CCDC138: variants seen among roughly 807,000 people sequenced by gnomAD.
CCDC138 encodes coiled-coil domain containing 138.
In CCDC138, 66 loss-of-function variants were observed where a neutral mutation model predicts 82.3. That is an observed-to-expected ratio of 0.80 (90% CI 0.66 to 0.98). The LOEUF is 0.98. Ranked by LOEUF, CCDC138 falls within the 50% of genes least tolerant of loss-of-function variation. The pLI is 0.00. For synonymous variants in CCDC138, 297 were observed against 265.4 expected, an observed-to-expected ratio of 1.12 and a Z score of -1.16; for missense variants, 816 against 758.9, an observed-to-expected ratio of 1.08 and a Z score of -0.88.
chr2:108,859,746 T>C (rs188725541), intron 13 of CCDC138, among the ~76,000 whole-genome samples: 1 of 152,310 alleles, frequency 6.6e-6, no homozygotes, highest in East Asian at 1.9e-4. Context: ...TGCTTCCAGC[T>C]TTGTTCTTTT....
Position 108,791,740 on chromosome 2 carries a change from A to G in CCDC138, c.332A>G (p.Glu111Gly). The change falls in exon 4 of 15, where the codon GAA becomes GGA. Residue 111 changes from glutamate to glycine, a missense_variant. Glu to Gly is a moderately conservative substitution (Grantham distance 98). Coordinates refer to ENST00000295124, the MANE Select transcript of CCDC138 (RefSeq NM_144978.3). ...KKQETEEELI[E>G]NDYRVSTSKI... The stretch of plus-strand genomic sequence containing the variant: ...CAGGAAACAGAAGAAGAGTTAATTG[A>G]AAATGATTATAGAGTTAGTACCTCG... 1 of 1,606,122 alleles carries G rather than the reference A, an allele frequency of 6.2e-7. No individual in the cohort carries two copies. Among genetic ancestry groups the G allele is most frequent in the Non-Finnish European group, 8.5e-7 (1 of 1,174,820 alleles).
intron 10 of CCDC138, among the ~76,000 whole-genome samples, chr2:108,825,921 A>G (rs958566698): frequency 6.6e-6 from 1 of 152,208 alleles, no homozygotes; most frequent in African/African-American, 2.4e-5. Flanking sequence ...ATCATGGTCA[A>G]AACATACGGA....
intron 13 of CCDC138, 96 bp downstream of exon 13, chr2:108,857,066 CTTTTTTTTTTT>C (rs35540493): frequency 3.0e-4 from 13 of 44,064 alleles, no homozygotes; most frequent in African/African-American, 1.2e-3. Flanking sequence ...GATACTATTG[CTTTTTTTTTTT>C]TTTTTTTTTT....
chr2:108,840,945 G>A (rs1689367070), intron 11 of CCDC138, among the ~76,000 whole-genome samples: 1 of 151,960 alleles, frequency 6.6e-6, no homozygotes, highest in Non-Finnish European at 1.5e-5. Context: ...CCAAGTAGCT[G>A]GGATTACAGA....
chr2:108,873,065 T>C (rs1248361501), intron 13 of CCDC138, among the ~76,000 whole-genome samples: 1 of 152,184 alleles, frequency 6.6e-6, no homozygotes, highest in Non-Finnish European at 1.5e-5. Flanking sequence ...ATTTGGAGGC[T>C]CTTTGATTTG....
At chr2:108,853,636 C>T (rs1390588120) in intron 12 of CCDC138, among the ~76,000 whole-genome samples, 4 of 150,002 alleles carry the variant, frequency 2.7e-5, no homozygotes, top group Admixed American at 1.3e-4. Context: ...AAGCAGTCCT[C>T]TTGCCTCAGG....
intron 13 of CCDC138, among the ~76,000 whole-genome samples, chr2:108,869,615 T>A (rs1312294565): frequency 6.6e-6 from 1 of 151,916 alleles, no homozygotes; most frequent in Non-Finnish European, 1.5e-5. Flanking sequence ...CCATACAAGA[T>A]CTAAGGCCTT....
At position 108,812,641 on chromosome 2, in the gene CCDC138, C is replaced by G. The variant is rs1160523514; in HGVS notation, c.866C>G (p.Ala289Gly). Residue 289 changes from alanine (A) to glycine (G), a missense_variant, in exon 8 of 15, where the codon GCA (alanine) becomes GGA (glycine). By Grantham distance (60) the Ala-to-Gly change is moderately conservative. Coordinates refer to ENST00000295124, the MANE Select transcript of CCDC138 (RefSeq NM_144978.3). ...TTTTCTACCCTTTAGTTAAATGAAG[C>G]AAGTGAAGAAAACAGGAAGATAGAC... ...NDTLKKQLNEASEENRKIDIQ... is the reference protein window; with the variant it reads ...NDTLKKQLNEGSEENRKIDIQ... 1 of 1,611,260 alleles carries G rather than the reference C, an allele frequency of 6.2e-7. No individual in the cohort carries two copies. Among genetic ancestry groups the G allele is most frequent in the African/African-American group, 1.3e-5 (1 of 74,848 alleles).
At chr2:108,848,194 A>C (rs1188067761) in intron 12 of CCDC138, among the ~76,000 whole-genome samples, 1 of 152,248 alleles carries the variant, frequency 6.6e-6, no homozygotes. Context: ...ATATGTCAAC[A>C]TACATTATAT....
chr2:108,842,825 A>G (rs1689740955), intron 11 of CCDC138, among the ~76,000 whole-genome samples: 1 of 152,236 alleles, frequency 6.6e-6, no homozygotes, highest in Non-Finnish European at 1.5e-5. Flanking sequence ...GCAACATCAA[A>G]TTATAAGCAT....
At chr2:108,796,822 G>A (rs1422489607) in intron 5 of CCDC138, among the ~76,000 whole-genome samples, 2 of 152,092 alleles carry the variant, frequency 1.3e-5, no homozygotes, top group African/African-American at 4.8e-5. Context: ...AGGCTGGGAG[G>A]GGAAGGGTAG....
intron 12 of CCDC138, among the ~76,000 whole-genome samples, chr2:108,851,367 T>C (rs1355027519): frequency 6.6e-6 from 1 of 152,150 alleles, no homozygotes; most frequent in Non-Finnish European, 1.5e-5. Flanking sequence ...AATGGCGTGA[T>C]CTTGGCTTGC....
At chr2:108,863,554 G>A (rs2104897771) in intron 13 of CCDC138, among the ~76,000 whole-genome samples, 1 of 152,096 alleles carries the variant, frequency 6.6e-6, no homozygotes, top group African/African-American at 2.4e-5. Flanking sequence ...CAAGACTTGG[G>A]GTTTTTTATG....
At chr2:108,800,640 A>AAT (rs1681772354) in intron 6 of CCDC138, among the ~76,000 whole-genome samples, 1 of 32,292 alleles carries the variant, frequency 3.1e-5, no homozygotes, top group East Asian at 1.1e-3. Context: ...TTTTTTTTTA[A>AAT]TTATACTTTA....
chr2:108,812,895 C>G lies in CCDC138; in HGVS notation c.1009C>G (p.Gln337Glu). The G allele has an allele frequency of 1.2e-6, 2 of 1,613,048 alleles. No homozygotes were observed. The highest frequency in any genetic ancestry group is 1.7e-6 in the Non-Finnish European group (2 of 1,179,534). The stretch of plus-strand genomic sequence containing the variant: ...TGTTCATGAAATGAAAAGTTTAAAA[C>G]AAGAAAAAGCACCAGTTTCAAAAAC... ...HAVHEMKSLK[Q>E]EKAPVSKTYK... The change falls in exon 9 of 15, where the codon CAA (glutamine) becomes GAA (glutamate). Residue 337 changes from glutamine (Q) to glutamate (E), a missense_variant. Gln to Glu is a conservative substitution (Grantham distance 29, BLOSUM62 2). Coordinates refer to ENST00000295124, the MANE Select transcript of CCDC138 (RefSeq NM_144978.3).
At chr2:108,857,728 T>A in intron 13 of CCDC138, among the ~76,000 whole-genome samples, 1 of 152,188 alleles carries the variant, frequency 6.6e-6, no homozygotes. Context: ...AGGAGTAGAA[T>A]GAAAAGTGAA....
chr2:108,834,991 A>T (rs1429827342), intron 10 of CCDC138, among the ~76,000 whole-genome samples: 1 of 152,232 alleles, frequency 6.6e-6, no homozygotes, highest in Non-Finnish European at 1.5e-5. Flanking sequence ...ATTGAAGTCA[A>T]ATGGATCTTG....
At chr2:108,826,277 T>C (rs1290940527) in intron 10 of CCDC138, among the ~76,000 whole-genome samples, 1 of 152,230 alleles carries the variant, frequency 6.6e-6, no homozygotes, top group Admixed American at 6.5e-5. Flanking sequence ...GTCCAATTTA[T>C]GCTTTTTTCT....
chr2:108,794,434 A>G lies in CCDC138; in HGVS notation c.395-106A>G, dbSNP rs534657850. ...TTCTTTGTCTCTCTTGAAACTTTTT[A>G]ATGTTATATTTTGTACTTAAAGCAT... On this transcript the variant is annotated intron_variant, in intron 4 of 14. Transcript: ENST00000295124. 59 of 1,029,144 alleles carry G rather than the reference A, an allele frequency of 5.7e-5. No individual in the cohort carries two copies. In the African/African-American group the frequency reaches 7.0e-4, roughly 12 times the overall value. 63.8% of individuals were successfully genotyped at this position (1,029,144 alleles called of 1,614,324 possible). A position where few individuals can be genotyped will look rare whatever the true frequency, so the allele number is the denominator to read the frequency against.
Sources: allele counts gnomAD v4.1 joint callset (sites outside exome capture counted in the v4.1 genomes callset), GRCh38; gene constraint gnomAD v4.1.1; transcripts MANE v1.5; gene names NCBI Gene and HGNC (gene_info 2026-07-23, HGNC 2026-07-21).